The following FAT1 variants were observed in gnomAD, a reference collection of about 807,000 sequenced individuals.
FAT1 encodes the protein FAT atypical cadherin 1.
A neutral mutation model predicts 329.8 loss-of-function variants in FAT1; 171 were observed. The observed-to-expected ratio is 0.52, with a 90% CI of 0.46 to 0.59. The LOEUF is 0.59. FAT1 is among the 20% of genes least tolerant of loss of function. FAT1 has a pLI of 0.00. For missense variants in FAT1, 5,672 were observed against 5,774.4 expected (o/e 0.98, Z 0.57); for synonymous variants, 2,233 against 2,228.6 (o/e 1.00, Z -0.06).
In FAT1 at chr4:186,707,422, C is replaced by T. The variant is rs751593813; in HGVS notation, c.2406G>A (p.Lys802=). 3.7e-6 allele frequency: 6 copies of T among 1,613,912 alleles called. No homozygotes were observed. In the African/African-American group the frequency reaches 6.7e-5, roughly 18 times the overall value. ...ITVYDLGIPQ[K]AAWRLLHVVV... The stretch of plus-strand genomic sequence containing the variant: ...CGACATGTAGAAGACGCCACGCAGC[C>T]TTCTGGGGTATCCCAAGGTCATAGA... Residue 802 remains lysine, a synonymous_variant, in exon 2 of 27, where the codon AAG becomes AAA. Transcript: ENST00000441802.
At chr4:186,668,657 G>C (rs1315295649) in intron 2 of FAT1, among the ~76,000 whole-genome samples, 1 of 152,170 alleles carries the variant, frequency 6.6e-6, no homozygotes, top group Admixed American at 6.5e-5. Context: ...AGCAGTTCTT[G>C]TTCCTACACT....
intron 1 of FAT1, among the ~76,000 whole-genome samples, chr4:186,719,208 C>CA (rs150100188): frequency 0.018 from 2,690 of 152,224 alleles, 87 homozygotes; most frequent in African/African-American, 0.061. Context: ...ATCAGTGCAC[C>CA]AAATCTGCAA....
chr4:186,635,877 CA>C (rs1740794166), intron 6 of FAT1, 147 bp downstream of exon 6: 1 of 681,480 alleles, frequency 1.5e-6, no homozygotes, highest in Non-Finnish European at 2.4e-6. Context: ...ATTTTGCAAT[CA>C]AAATATTATA....
chr4:186,646,728 A>C (rs1217196958), intron 3 of FAT1, among the ~76,000 whole-genome samples: 1 of 50 alleles, frequency 0.02, no homozygotes, highest in Admixed American at 0.1. Context: ...CCTACATAGA[A>C]AAAAAAAAAA....
intron 3 of FAT1, among the ~76,000 whole-genome samples, chr4:186,651,437 T>C (rs1579390059): frequency 6.6e-6 from 1 of 152,104 alleles, no homozygotes; most frequent in African/African-American, 2.4e-5. Flanking sequence ...AGGGCAGCAT[T>C]TGTCTGTGTG....
chr4:186,710,422 G>A (rs2126707992), intron 1 of FAT1, among the ~76,000 whole-genome samples: 1 of 152,264 alleles, frequency 6.6e-6, no homozygotes, highest in Non-Finnish European at 1.5e-5. Flanking sequence ...GTATAAGAAT[G>A]GTTAAGTTCA....
In FAT1 at chr4:186,602,910, C is replaced by T. The variant is rs747669455; in HGVS notation, c.11475G>A (p.Gln3825=). Residue 3825 remains glutamine, a synonymous_variant, in exon 20 of 27, where the codon CAG becomes CAA. Transcript: ENST00000441802. ...CAACCATTCAACTCTCACCTGGGCA[C>T]TGACCAAACCTGCCGCTGGGACAGA... ...TCVCPSGRFG[Q]CPGSSSMTLT... 10 of 1,613,734 alleles carry T rather than the reference C, an allele frequency of 6.2e-6. No homozygotes were observed. The highest frequency in any genetic ancestry group is 2.2e-5 in the South Asian group (2 of 91,074).
At chr4:186,662,814 C>A (rs1742242176) in intron 3 of FAT1, among the ~76,000 whole-genome samples, 1 of 151,716 alleles carries the variant, frequency 6.6e-6, no homozygotes, top group African/African-American at 2.4e-5. Flanking sequence ...AAAGCAAACT[C>A]AAAGTTTAAA....
intron 3 of FAT1, among the ~76,000 whole-genome samples, chr4:186,658,582 A>G (rs1304268078): frequency 6.6e-6 from 1 of 152,254 alleles, no homozygotes; most frequent in African/African-American, 2.4e-5. Context: ...ATTAATAAAA[A>G]TAACAAATAT....
chr4:186,604,648 G>A, intron 17 of FAT1, 74 bp from the exon 18 acceptor site: 9 of 923,446 alleles, frequency 9.7e-6, no homozygotes, highest in African/African-American at 1.7e-5. Flanking sequence ...AGACACATGA[G>A]TTTTCTATAA....
intron 2 of FAT1, among the ~76,000 whole-genome samples, chr4:186,690,657 TCCAG>T (rs1461270971): frequency 6.6e-6 from 1 of 151,816 alleles, no homozygotes; most frequent in Non-Finnish European, 1.5e-5. Context: ...GCTACTGCAC[TCCAG>T]CCTGGGCGAC....
In FAT1 at chr4:186,588,503, G is replaced by C. The variant is rs2126345151; in HGVS notation, c.*89C>G. On this transcript the variant is annotated 3_prime_UTR_variant, in exon 27 of 27. Transcript: ENST00000441802. ...ATGCCCATTCGGCTCACCAAAAAAA[G>C]CTTGGAAGCACTGCTGCAAAGAACA... The C allele has an allele frequency of 6.1e-6, 9 of 1,469,606 alleles. No individual in the cohort carries two copies. The highest frequency in any genetic ancestry group is 7.2e-6 in the Non-Finnish European group (8 of 1,106,720). 91.0% of individuals were successfully genotyped at this position (1,469,606 alleles called of 1,614,324 possible). A position where few individuals can be genotyped will look rare whatever the true frequency, so the allele number is the denominator to read the frequency against.
intron 3 of FAT1, among the ~76,000 whole-genome samples, chr4:186,657,209 G>T (rs1741944855): frequency 6.6e-6 from 1 of 152,170 alleles, no homozygotes; most frequent in African/African-American, 2.4e-5. Context: ...TTTACAAACT[G>T]CCAAAAACTG....
Position 186,691,650 on chromosome 4 carries a change from T to TA in FAT1, c.3265+14912dup, listed in dbSNP as rs1289765081. Among the ~76,000 whole-genome samples the TA allele has an allele frequency of 5.3e-5, 8 of 151,450 alleles. No homozygotes were observed. The East Asian group carries it at 1.2e-3, about 22-fold the overall frequency. On this transcript the variant is annotated intron_variant, in intron 2 of 26. Transcript: ENST00000441802. The stretch of plus-strand genomic sequence containing the variant: ...CAAGACCCCACCTCTGCAAAAAAAG[T>TA]AAAAAAAATTAGCCGGGCATGGTGG...
chr4:186,641,822 C>T (rs1263644167), intron 3 of FAT1, among the ~76,000 whole-genome samples: 2 of 152,006 alleles, frequency 1.3e-5, no homozygotes, highest in African/African-American at 4.8e-5. Flanking sequence ...GCCTGGCCAA[C>T]ATGGCGAAAC....
intron 2 of FAT1, among the ~76,000 whole-genome samples, chr4:186,694,273 T>C (rs951688592): frequency 6.6e-6 from 1 of 152,228 alleles, no homozygotes; most frequent in Non-Finnish European, 1.5e-5. Context: ...AAATGCAACT[T>C]GCTATGAACA....
chr4:186,671,818 T>G (rs923004842), intron 2 of FAT1, among the ~76,000 whole-genome samples: 7 of 151,800 alleles, frequency 4.6e-5, no homozygotes, highest in African/African-American at 1.5e-4. Flanking sequence ...GTGTGTGTGG[T>G]GTGTGTGTGT....
At chr4:186,664,081 C>A (rs543545015) in intron 2 of FAT1, among the ~76,000 whole-genome samples, 1 of 152,230 alleles carries the variant, frequency 6.6e-6, no homozygotes, top group Admixed American at 6.5e-5. Flanking sequence ...AGATCTGAGA[C>A]CCCACAGTCC....
chr4:186,588,382 T>G lies in FAT1; in HGVS notation c.*210A>C. On this transcript the variant is annotated 3_prime_UTR_variant, in exon 27 of 27. Coordinates refer to ENST00000441802, the MANE Select transcript of FAT1 (RefSeq NM_005245.4). ...AGACAGATGTAAATCCCAAAAGACG[T>G]TGGGAAATGGCACAGCCGATGAAAA... 1 of 561,082 alleles carries G rather than the reference T, an allele frequency of 1.8e-6. No homozygotes were observed. Among genetic ancestry groups the G allele is most frequent in the African/African-American group, 1.9e-5 (1 of 53,698 alleles). The allele number at this position is 561,082 out of a possible 1,614,324, so 34.8% of individuals were successfully genotyped here.
Sources: gnomAD v4.1 joint callset for allele counts (sites outside exome capture counted in the v4.1 genomes callset) on GRCh38, gnomAD v4.1.1 for gene constraint, MANE v1.5 for transcripts, NCBI Gene and HGNC (gene_info 2026-07-23, HGNC 2026-07-21) for gene names.